Variants in MADD observed in about 807,000 individuals in gnomAD.
The protein encoded by MADD is MAP kinase activating death domain.
MADD carries 109 observed loss-of-function variants against 176.7 expected under a neutral mutation model. The ratio of observed to expected loss-of-function variants is 0.62; its 90% CI spans 0.53 to 0.72. The LOEUF is 0.72. MADD is among the 30% of genes least tolerant of loss of function. The pLI, the probability that MADD is intolerant of heterozygous loss-of-function variation, is 0.00. For synonymous variants in MADD, 771 were observed against 771.3 expected (o/e 1.00, Z 0.01); for missense variants, 1,914 against 2,045.5 (o/e 0.94, Z 1.24).
chr11:47,293,560 C>T (rs1417081312), intron 19 of MADD, among the ~76,000 whole-genome samples: 1 of 152,164 alleles, frequency 6.6e-6, no homozygotes, highest in Non-Finnish European at 1.5e-5. Context: ...GCCTCAGCCT[C>T]CCAAAGTGCT....
intron 22 of MADD, among the ~76,000 whole-genome samples, chr11:47,307,503 T>G (rs1254726465): frequency 6.6e-6 from 1 of 152,190 alleles, no homozygotes; most frequent in African/African-American, 2.4e-5. Flanking sequence ...AGTAAAATAT[T>G]GGGCTGTGAA....
At chr11:47,296,123 A>G in intron 22 of MADD, 68 bp downstream of exon 24, 1 of 1,555,382 alleles carries the variant, frequency 6.4e-7, no homozygotes, top group Admixed American at 1.8e-5. Context: ...CAAGAAAAGA[A>G]TGAAAGTTAA....
chr11:47,276,679 T>G, intron 4 of MADD, 53 bp from the exon 5 acceptor site: 5 of 1,597,498 alleles, frequency 3.1e-6, no homozygotes, highest in Non-Finnish European at 4.3e-6. Context: ...GCTGTTTTCT[T>G]GTAAACCATA....
intron 6 of MADD, 135 bp downstream of exon 6, chr11:47,278,413 A>G (rs1376383542): frequency 1.5e-6 from 1 of 668,658 alleles, no homozygotes; most frequent in South Asian, 1.9e-5. Context: ...AGACTTACTG[A>G]AACAAGTTTT....
intron 25 of MADD, among the ~76,000 whole-genome samples, chr11:47,310,539 T>C (rs1195015223): frequency 1.3e-5 from 2 of 152,088 alleles, no homozygotes; most frequent in East Asian, 3.8e-4. Context: ...AGTTTTAGGG[T>C]GCCAATAGAG....
chr11:47,326,623 C>G, intron 30 of MADD, 71 bp downstream of exon 34: 1 of 1,510,652 alleles, frequency 6.6e-7, no homozygotes, highest in African/African-American at 1.4e-5. Context: ...CTTCTGTCCT[C>G]TCTTTGGGAA....
At chr11:47,272,287 G>A (rs1965390051) in intron 1 of MADD, 1 of 152,190 alleles carries the variant, frequency 6.6e-6, no homozygotes, top group Admixed American at 6.5e-5. Flanking sequence ...GTCCTCTACT[G>A]GGAGCAAGGG....
chr11:47,288,267 C>A (rs902376537), intron 15 of MADD, among the ~76,000 whole-genome samples: 1 of 152,102 alleles, frequency 6.6e-6, no homozygotes, highest in Non-Finnish European at 1.5e-5. Context: ...CCAGCCTGGA[C>A]GACAGAGTGA....
At chr11:47,284,333 A>G (rs757802139) in intron 11 of MADD, 42 bp from the exon 12 acceptor site, 1 of 1,613,766 alleles carries the variant, frequency 6.2e-7, no homozygotes, top group South Asian at 1.1e-5. Context: ...TGGGGGCCCA[A>G]GGATGGAGTG....
chr11:47,276,228 T>C lies in MADD; in HGVS notation c.963+26T>C, dbSNP rs758038310. ...GTGAGAGGCAAGCTTCCTAGACCTTTCTAGGGGAGAAACTCTTAAATATGC... is the reference window on the plus strand; with the variant it reads ...GTGAGAGGCAAGCTTCCTAGACCTTCCTAGGGGAGAAACTCTTAAATATGC... On this transcript the variant is annotated intron_variant, in intron 4 of 32. Transcript: ENST00000402192. The C allele has an allele frequency of 2.6e-6, 4 of 1,564,438 alleles. No individual in the cohort carries two copies. The East Asian group carries it at 6.8e-5, about 26-fold the overall frequency.
At position 47,286,403 on chromosome 11, in the gene MADD, G is replaced by C. The variant is rs368992567; in HGVS notation, c.2552-30G>C. 21 of 1,461,734 alleles carry C rather than the reference G, an allele frequency of 1.4e-5. No individual in the cohort carries two copies. The South Asian group carries it at 2.0e-4, about 14-fold the overall frequency. 90.5% of individuals were successfully genotyped at this position (1,461,734 alleles called of 1,614,324 possible). ...CTGCTTTGATTACTTACTCTGCCAA[G>C]TCATCGCTCTTGCACCCTCCCCTTG... On this transcript the variant is annotated intron_variant, in intron 14 of 32. Transcript: ENST00000402192.
At chr11:47,327,231 G>T in intron 31 of MADD, 1 of 998,598 alleles carries the variant, frequency 1.0e-6, no homozygotes, top group Non-Finnish European at 1.2e-6. Flanking sequence ...TCTCCACCTG[G>T]CCTCTGTGCC....
rs1388593093 is a variant in MADD, at chr11:47,309,675, G to A, written c.3978+63G>A. The A allele has an allele frequency of 1.3e-5, 17 of 1,336,580 alleles. No homozygotes were observed. In the African/African-American group the frequency reaches 1.3e-4, roughly 10 times the overall value. 82.8% of individuals were successfully genotyped at this position (1,336,580 alleles called of 1,614,324 possible). On this transcript the variant is annotated intron_variant, in intron 25 of 32. Transcript: ENST00000402192. Reference sequence around the variant, plus strand: ...TAGAGGGGCAAGGCTTGTTCCTGTCGCCTAAATTTCGGGGTAGCTGGGAAG... The same window carrying A: ...TAGAGGGGCAAGGCTTGTTCCTGTCACCTAAATTTCGGGGTAGCTGGGAAG...
intron 21 of MADD, 54 bp downstream of exon 23, chr11:47,295,633 G>C (rs1406252722): frequency 6.2e-7 from 1 of 1,610,636 alleles, no homozygotes; most frequent in African/African-American, 1.3e-5. Flanking sequence ...TTTCCCCTTT[G>C]GAAAAGGGTG....
chr11:47,294,086 A>G (rs963630992), intron 20 of MADD, 103 bp downstream of exon 22: 5 of 951,286 alleles, frequency 5.3e-6, no homozygotes, highest in African/African-American at 1.6e-5. Context: ...ACAGTGGCTC[A>G]TGCTTGTAAT....
intron 20 of MADD, among the ~76,000 whole-genome samples, chr11:47,294,669 CAAAAAAAAAAAAAA>C: frequency 1.8e-5 from 1 of 56,028 alleles, no homozygotes; most frequent in Non-Finnish European, 3.4e-5. Context: ...GACTCCGTCT[CAAAAAAAAAAAAAA>C]AAAAAAAAAA....
intron 19 of MADD, 45 bp from the exon 22 acceptor site, chr11:47,293,838 C>T (rs1046397851): frequency 1.6e-6 from 2 of 1,281,396 alleles, no homozygotes; most frequent in South Asian, 2.4e-5. Flanking sequence ...ACCAGCCTGC[C>T]CCTAGCCTTT....
intron 1 of MADD, among the ~76,000 whole-genome samples, 158 bp downstream of exon 1, chr11:47,270,404 G>A (rs1323688411): frequency 1.3e-5 from 2 of 151,230 alleles, no homozygotes; most frequent in African/African-American, 4.9e-5. Context: ...TGCCGAGGAG[G>A]GGCGGGGACG....
At chr11:47,308,928 T>C in intron 23 of MADD, 52 bp from the exon 26 acceptor site, 1 of 1,543,606 alleles carries the variant, frequency 6.5e-7, no homozygotes. Context: ...CTTTCTGTCT[T>C]CCTTTCTTTC....
Sources: gnomAD v4.1 joint callset for allele counts (sites outside exome capture counted in the v4.1 genomes callset) on GRCh38, gnomAD v4.1.1 for gene constraint, MANE v1.5 for transcripts, NCBI Gene and HGNC (gene_info 2026-07-23, HGNC 2026-07-21) for gene names.